RUNX1T1: variants seen among roughly 807,000 people sequenced by gnomAD.
RUNX1T1 encodes the protein RUNX1 partner transcriptional co-repressor 1.
A neutral mutation model predicts 62.8 loss-of-function variants in RUNX1T1; 4 were observed. The observed-to-expected ratio is 0.06, with a 90% CI of 0.03 to 0.15. RUNX1T1 has a LOEUF of 0.15. Among genes scored for constraint, RUNX1T1 ranks in the 10% least tolerant of loss-of-function variants. The pLI is 1.00. For missense variants in RUNX1T1, 508 were observed against 754.3 expected, an observed-to-expected ratio of 0.67 and a Z score of 3.82; for synonymous variants, 291 against 286.0, an observed-to-expected ratio of 1.02 and a Z score of -0.18.
downstream of RUNX1T1, chr8:91,955,717 T>C (rs1047649809): frequency 4.5e-6 from 1 of 224,086 alleles, no homozygotes; most frequent in African/African-American, 2.2e-5. Flanking sequence ...GCAACGATTA[T>C]TTTGGTCTAT....
chr8:91,998,122 CATT>C (rs1385613248), intron 5 of RUNX1T1, among the ~76,000 whole-genome samples: 2 of 152,084 alleles, frequency 1.3e-5, no homozygotes, highest in African/African-American at 2.4e-5. Context: ...CTCTCATCAT[CATT>C]ATTTTTAAAA....
chr8:91,955,865 A>G (rs779093025), downstream of RUNX1T1: 48 of 228,702 alleles, frequency 2.1e-4, no homozygotes, highest in Middle Eastern at 2.6e-3. Flanking sequence ...AAACTCTAAC[A>G]AACTTTGTAA....
intron 1 of RUNX1T1, among the ~76,000 whole-genome samples, chr8:92,037,448 C>A (rs1047647444): frequency 2.6e-5 from 4 of 152,178 alleles, no homozygotes; most frequent in Non-Finnish European, 4.4e-5. Context: ...GAGGCTGAGG[C>A]AGGCAGATCA....
At chr8:92,014,813 A>G (rs747053341) in exon 3 of RUNX1T1, 3 of 1,607,648 alleles carry the variant, frequency 1.9e-6, no homozygotes, top group East Asian at 2.2e-5. Flanking sequence ...GGCTCGTGCC[A>G]TTAGTTACTG....
chr8:92,095,442 G>T (rs1281638919), intron 1 of RUNX1T1: 6 of 1,535,454 alleles, frequency 3.9e-6, no homozygotes, highest in Non-Finnish European at 4.4e-6. Flanking sequence ...CTTATCAGAA[G>T]TAAAAGCCTT....
rs568813887 is a variant in RUNX1T1, at chr8:92,004,979, C to T, written c.659+137G>A. The stretch of plus-strand genomic sequence containing the variant: ...AAATCCCAGGCCAGAGCCAGATTCT[C>T]AAGATGGCCACAATGGCTTATTGCT... On this transcript the variant is annotated intron_variant, in intron 5 of 10. Coordinates refer to ENST00000396218, the Ensembl canonical transcript of RUNX1T1. 10 of 737,394 alleles carry T rather than the reference C, an allele frequency of 1.4e-5. No individual in the cohort carries two copies. The African/African-American group carries it at 1.4e-4, about 11-fold the overall frequency. 45.7% of individuals were successfully genotyped at this position (737,394 alleles called of 1,614,324 possible). A position where few individuals can be genotyped will look rare whatever the true frequency, so the allele number is the denominator to read the frequency against.
At chr8:91,999,492 G>T (rs376978639) in intron 5 of RUNX1T1, among the ~76,000 whole-genome samples, 1 of 152,106 alleles carries the variant, frequency 6.6e-6, no homozygotes, top group East Asian at 1.9e-4. Flanking sequence ...GTTAATCAAA[G>T]CATTTTGTTT....
intron 8 of RUNX1T1, among the ~76,000 whole-genome samples, chr8:91,984,925 C>G (rs1816234464): frequency 6.6e-6 from 1 of 152,110 alleles, no homozygotes; most frequent in Admixed American, 6.5e-5. Flanking sequence ...GCCTTAGACT[C>G]TTTCATTATT....
At chr8:92,062,858 C>A in exon 1 of RUNX1T1, 1 of 1,396,000 alleles carries the variant, frequency 7.2e-7, no homozygotes, top group South Asian at 1.5e-5. Flanking sequence ...AGTATCACAA[C>A]CCCTACCCTC....
chr8:92,076,172 T>C (rs1834389413), intron 1 of RUNX1T1, 35 bp from the exon 2 acceptor site: 2 of 1,462,256 alleles, frequency 1.4e-6, no homozygotes, highest in South Asian at 3.0e-5. Context: ...AAAATGCATA[T>C]ATCACAACCA....
intron 10 of RUNX1T1, among the ~76,000 whole-genome samples, chr8:91,967,634 T>A (rs1306090634): frequency 1.3e-5 from 2 of 152,200 alleles, no homozygotes; most frequent in African/African-American, 4.8e-5. Flanking sequence ...TTCAGAGGTA[T>A]CTAGAGTTAA....
intron 8 of RUNX1T1, among the ~76,000 whole-genome samples, chr8:91,976,461 C>G (rs955668483): frequency 6.6e-6 from 1 of 151,970 alleles, no homozygotes; most frequent in South Asian, 2.1e-4. Context: ...ATACTTAATT[C>G]TTAAAAATCT....
rs78493064 is a variant in RUNX1T1, at chr8:91,986,822, C to G, written c.996+65G>C. 2.8e-3 allele frequency: 2,846 copies of G among 1,028,900 alleles called. 50 individuals carry two copies. The African/African-American group carries it at 0.039, about 14-fold the overall frequency. The allele number at this position is 1,028,900 out of a possible 1,614,324, so 63.7% of individuals were successfully genotyped here. Reference sequence around the variant, plus strand: ...AAGGATCACCAAGCTTTTATTTTATCACATAACCTCACTCCAGTTGTTTTC... The same window carrying G: ...AAGGATCACCAAGCTTTTATTTTATGACATAACCTCACTCCAGTTGTTTTC... On this transcript the variant is annotated intron_variant, in intron 7 of 10. Transcript: ENST00000396218.
chr8:92,101,122 G>A (rs190159257), upstream of RUNX1T1, among the ~76,000 whole-genome samples: 1 of 152,168 alleles, frequency 6.6e-6, no homozygotes, highest in Non-Finnish European at 1.5e-5. Flanking sequence ...AAGCTACTGA[G>A]TGCACTTAAA....
chr8:91,959,532 T>C (rs1474807081), exon 11 of RUNX1T1: 5 of 195,996 alleles, frequency 2.6e-5, no homozygotes, highest in Non-Finnish European at 5.2e-5. Context: ...TTTTGTATTA[T>C]GGCATTTTTT....
At chr8:92,081,462 A>G (rs941570405) in intron 1 of RUNX1T1, among the ~76,000 whole-genome samples, 4 of 152,022 alleles carry the variant, frequency 2.6e-5, no homozygotes, top group Non-Finnish European at 5.9e-5. Flanking sequence ...CAAAACCAAA[A>G]TATGTGGAAT....
upstream of RUNX1T1, among the ~76,000 whole-genome samples, chr8:92,066,249 T>G (rs893884801): frequency 1.3e-5 from 2 of 152,214 alleles, no homozygotes; most frequent in Non-Finnish European, 2.9e-5. Flanking sequence ...GAGGAGACCC[T>G]TCCACAAAGT....
At chr8:91,975,181 G>T (rs1406624352) in intron 9 of RUNX1T1, among the ~76,000 whole-genome samples, 1 of 152,180 alleles carries the variant, frequency 6.6e-6, no homozygotes, top group Non-Finnish European at 1.5e-5. Flanking sequence ...GTTTTTGCTT[G>T]CTAGGTGGTT....
rs976395248 is a variant in RUNX1T1, at chr8:92,040,971, A to T, written c.7+21575T>A. 9.9e-5 allele frequency among the ~76,000 whole-genome samples: 15 copies of T among 152,280 alleles called. No homozygotes were observed. The South Asian group carries it at 1.7e-3, about 17-fold the overall frequency. ...CAATCCTCCCACTTCAGCCTCCCAAAGTGCTGGGATTACAAGCATTAGCCA... is the reference window on the plus strand; with the variant it reads ...CAATCCTCCCACTTCAGCCTCCCAATGTGCTGGGATTACAAGCATTAGCCA... On this transcript the variant is annotated intron_variant, in intron 1 of 10. Coordinates refer to ENST00000396218, the Ensembl canonical transcript of RUNX1T1.
Sources: gnomAD v4.1 joint callset for allele counts (sites outside exome capture counted in the v4.1 genomes callset) on GRCh38, gnomAD v4.1.1 for gene constraint, MANE v1.5 for transcripts, NCBI Gene and HGNC (gene_info 2026-07-23, HGNC 2026-07-21) for gene names.